Variants in TOX3 observed in about 807,000 individuals in gnomAD.
The protein encoded by TOX3 is CAG trinucleotide repeat-containing gene F9 protein.
In TOX3, 22 loss-of-function variants were observed where a neutral mutation model predicts 64.3. The observed-to-expected ratio is 0.34, with a 90% CI of 0.24 to 0.49. TOX3 has a LOEUF of 0.49. TOX3 is among the 20% of genes least tolerant of loss of function. The probability of loss-of-function intolerance (pLI) is 0.99; values close to 1 mark genes in which losing one functional copy is unlikely to be tolerated. For synonymous variants in TOX3, 291 were observed against 273.6 expected (o/e 1.06, Z -0.63); for missense variants, 661 against 714.4 (o/e 0.93, Z 0.85).
intron 1 of TOX3, among the ~76,000 whole-genome samples, chr16:52,540,007 C>A (rs562887674): frequency 6.6e-6 from 1 of 152,116 alleles, no homozygotes; most frequent in Admixed American, 6.5e-5. Context: ...CTACTCTTGC[C>A]GGGGCCTACA....
At chr16:52,492,594 T>TATATATATATATATATATATATA (rs1596823340) in intron 1 of TOX3, among the ~76,000 whole-genome samples, 2 of 138,142 alleles carry the variant, frequency 1.4e-5, no homozygotes, top group African/African-American at 5.4e-5. Flanking sequence ...TATATATATA[T>TATATATATATATATATATATATA]TCCTTAATTT....
At chr16:52,546,455 G>A (rs1367297259) in intron 1 of TOX3, among the ~76,000 whole-genome samples, 182 bp downstream of exon 1, 1 of 152,180 alleles carries the variant, frequency 6.6e-6, no homozygotes. Flanking sequence ...ACAAAAAGCG[G>A]CGTGGGATGG....
At chr16:52,480,441 G>T (rs1961339297) in intron 1 of TOX3, among the ~76,000 whole-genome samples, 1 of 152,068 alleles carries the variant, frequency 6.6e-6, no homozygotes, top group Admixed American at 6.6e-5. Flanking sequence ...AAACTTTCAG[G>T]CCTCTAATGA....
intron 1 of TOX3, among the ~76,000 whole-genome samples, chr16:52,528,716 A>G (rs1262133259): frequency 6.6e-6 from 1 of 152,192 alleles, no homozygotes; most frequent in African/African-American, 2.4e-5. Context: ...AAGTTTCCCA[A>G]TATTCAAGAG....
At chr16:52,462,747 G>A (rs1474542773) in intron 3 of TOX3, among the ~76,000 whole-genome samples, 1 of 151,300 alleles carries the variant, frequency 6.6e-6, no homozygotes, top group Non-Finnish European at 1.5e-5. Flanking sequence ...AAAAATATAA[G>A]AAAGTCCCCA....
chr16:52,486,547 A>T (rs148893077), intron 1 of TOX3, among the ~76,000 whole-genome samples: 1 of 152,210 alleles, frequency 6.6e-6, no homozygotes, highest in Non-Finnish European at 1.5e-5. Context: ...ATCAAAAAAA[A>T]TTCAAATACT....
chr16:52,518,151 A>G (rs1962506660), intron 1 of TOX3, among the ~76,000 whole-genome samples: 1 of 152,204 alleles, frequency 6.6e-6, no homozygotes, highest in Non-Finnish European at 1.5e-5. Context: ...ATCTCCTAAT[A>G]ATATTTCAGG....
Position 52,450,270 on chromosome 16 carries a change from A to C in TOX3, c.678+7T>G. ...GCAGGTTACACACTAAGGCAGTTCT[A>C]ACTTACTCTGTTGGCTTCATCAGCA... On this transcript the variant is annotated splice_region_variant and intron_variant, in intron 4 of 6. Coordinates refer to ENST00000219746, the MANE Select transcript of TOX3 (RefSeq NM_001080430.4). The C allele has an allele frequency of 6.2e-7, 1 of 1,613,976 alleles. No homozygotes were observed. The highest frequency in any genetic ancestry group is 8.5e-7 in the Non-Finnish European group (1 of 1,179,864).
chr16:52,523,186 AAT>A (rs527436602), intron 1 of TOX3, among the ~76,000 whole-genome samples: 21 of 152,278 alleles, frequency 1.4e-4, no homozygotes, highest in Admixed American at 6.5e-5. Context: ...GAGAATGAAC[AAT>A]TGAGCCATGC....
chr16:52,524,724 T>C (rs909742015), intron 1 of TOX3, among the ~76,000 whole-genome samples: 1 of 152,130 alleles, frequency 6.6e-6, no homozygotes, highest in African/African-American at 2.4e-5. Context: ...TTGAAGCACA[T>C]TGAGCTTAAA....
rs1309258697 is a variant in TOX3 at position 52,546,998 on chromosome 16, CGGGGGCGCGGGGCGCGGCGCT to C, written c.-296_-276del. The stretch of plus-strand genomic sequence containing the variant: ...GCAGCGCTGCGCGCGGGCCGGGCGC[CGGGGGCGCGGGGCGCGGCGCT>C]GGGGCCCGGGTCGGCGAGGCGAGTT... On this transcript the variant is annotated 5_prime_UTR_variant, in exon 1 of 7. Transcript: ENST00000219746. The C allele has an allele frequency of 2.8e-5, 27 of 965,782 alleles. No individual in the cohort carries two copies. The East Asian group carries it at 2.0e-3, about 71-fold the overall frequency. The allele number at this position is 965,782 out of a possible 1,614,324, so 59.8% of individuals were successfully genotyped here.
intron 1 of TOX3, among the ~76,000 whole-genome samples, chr16:52,497,292 A>G (rs1337957626): frequency 6.6e-6 from 1 of 152,256 alleles, no homozygotes; most frequent in Admixed American, 6.5e-5. Context: ...TTCAATCTAT[A>G]TAAATTTAAG....
Position 52,439,655 on chromosome 16 carries a change from G to C in TOX3, c.1301C>G (p.Pro434Arg). ...CTGATGCTGCTGGGTTTGCACCGAA[G>C]GACTCACTTGGGTGGAGGGTGCTGA... ...VGSAPSTQVSPSVQTQQHQMQ... is the reference protein window; with the variant it reads ...VGSAPSTQVSRSVQTQQHQMQ... The change falls in exon 7 of 7, where the codon CCT becomes CGT. Residue 434 changes from proline to arginine, a missense_variant. Pro to Arg is a moderately radical substitution (Grantham distance 103). Transcript: ENST00000219746. The C allele has an allele frequency of 6.2e-7, 1 of 1,613,870 alleles. No homozygotes were observed. Among genetic ancestry groups the C allele is most frequent in the South Asian group, 1.1e-5 (1 of 91,078 alleles).
At chr16:52,453,003 T>C (rs933758352) in intron 3 of TOX3, among the ~76,000 whole-genome samples, 3 of 152,112 alleles carry the variant, frequency 2.0e-5, no homozygotes, top group Admixed American at 6.5e-5. Flanking sequence ...CTAATTATCT[T>C]TTTTTATTGG....
intron 1 of TOX3, among the ~76,000 whole-genome samples, chr16:52,526,626 C>G (rs1367656539): frequency 1.3e-5 from 2 of 152,152 alleles, no homozygotes; most frequent in Non-Finnish European, 2.9e-5. Context: ...CAATAAACCC[C>G]TGATCAGAGC....
rs1963202700 is a variant in TOX3 at position 52,546,745 on chromosome 16, GGGGGCCGGGACTGGGGTTCGCC to G, written c.-44_-23del. ...CCATGCCGAAGCTGGGCCCGGGGCCGGGGGCCGGGACTGGGGTTCGCCGGGGCCGGGACCCGCCTCCTCGCCG... is the reference window on the plus strand; with the variant it reads ...CCATGCCGAAGCTGGGCCCGGGGCCGGGGGCCGGGACCCGCCTCCTCGCCG... On this transcript the variant is annotated 5_prime_UTR_variant, in exon 1 of 7. Coordinates refer to ENST00000219746, the MANE Select transcript of TOX3 (RefSeq NM_001080430.4). The G allele has an allele frequency of 4.0e-6, 6 of 1,495,986 alleles. No homozygotes were observed. The highest frequency in any genetic ancestry group is 5.3e-6 in the Non-Finnish European group (6 of 1,126,970). 92.7% of individuals were successfully genotyped at this position (1,495,986 alleles called of 1,614,324 possible).
At chr16:52,467,337 A>G (rs1960898729) in intron 2 of TOX3, among the ~76,000 whole-genome samples, 1 of 152,234 alleles carries the variant, frequency 6.6e-6, no homozygotes. Flanking sequence ...ACAACACAGC[A>G]GCCAGTGCCA....
At chr16:52,453,123 A>G (rs1255619413) in intron 3 of TOX3, among the ~76,000 whole-genome samples, 2 of 151,294 alleles carry the variant, frequency 1.3e-5, no homozygotes, top group African/African-American at 2.4e-5. Context: ...CCACCCCCAC[A>G]CTACTGGTAA....
Position 52,546,437 on chromosome 16 carries a change from G to A in TOX3, c.87+200C>T, listed in dbSNP as rs541249723. On this transcript the variant is annotated intron_variant, in intron 1 of 6. Coordinates refer to ENST00000219746, the MANE Select transcript of TOX3 (RefSeq NM_001080430.4). ...AGCGGAGGGGCTGAGGAGAGCGCCG[G>A]CTGGGGGACAAAAAGCGGCGTGGGA... 2.9e-4 allele frequency among the ~76,000 whole-genome samples: 44 copies of A among 152,296 alleles called. No individual in the cohort carries two copies. The East Asian group carries it at 7.0e-3, about 24-fold the overall frequency.
Sources: allele counts gnomAD v4.1 joint callset (sites outside exome capture counted in the v4.1 genomes callset), GRCh38; gene constraint gnomAD v4.1.1; transcripts MANE v1.5; gene names NCBI Gene and HGNC (gene_info 2026-07-23, HGNC 2026-07-21).